The following DTD1 variants were observed in gnomAD, a reference collection of about 807,000 sequenced individuals.
The protein encoded by DTD1 is D-aminoacyl-tRNA deacylase 1, also known as D-tyrosyl-tRNA deacylase 1 homolog.
In DTD1, 13 loss-of-function variants were observed where a neutral mutation model predicts 25.6. The ratio of observed to expected loss-of-function variants is 0.51; its 90% CI spans 0.33 to 0.81. The LOEUF (loss-of-function observed/expected upper bound fraction) is 0.81. Among genes scored for constraint, DTD1 ranks in the 30% least tolerant of loss-of-function variants. The probability of loss-of-function intolerance (pLI) is 0.02; values close to 1 mark genes in which losing one functional copy is unlikely to be tolerated. For missense variants in DTD1, 193 were observed against 266.4 expected (o/e 0.72, Z 1.92); for synonymous variants, 110 against 103.6 (o/e 1.06, Z -0.37).
intron 4 of DTD1, among the ~76,000 whole-genome samples, chr20:18,724,434 A>G (rs55653713): frequency 5.3e-4 from 80 of 152,324 alleles, no homozygotes; most frequent in Non-Finnish European, 9.1e-4. Context: ...CAGAATGGCC[A>G]TGGAGAATTC....
chr20:18,648,431 A>T (rs2060858400), intron 4 of DTD1, among the ~76,000 whole-genome samples: 2 of 152,152 alleles, frequency 1.3e-5, no homozygotes, highest in Non-Finnish European at 2.9e-5. Context: ...ACAGCGAGGG[A>T]CCAGGATGAC....
chr20:18,712,520 A>T (rs62217023), intron 4 of DTD1, among the ~76,000 whole-genome samples: 52,795 of 151,894 alleles, frequency 0.35, 9,508 homozygotes, highest in Non-Finnish European at 0.4. Flanking sequence ...ATTCATTTAC[A>T]ATGGAATCAT....
At chr20:18,593,904 G>A in intron 2 of DTD1, 83 bp downstream of exon 2, 2 of 1,060,672 alleles carry the variant, frequency 1.9e-6, no homozygotes, top group Non-Finnish European at 2.9e-6. Flanking sequence ...CTTTGTGCCT[G>A]TGAGGTGAGC....
chr20:18,632,597 A>G (rs1471269886), intron 4 of DTD1: 1 of 984,962 alleles, frequency 1.0e-6, no homozygotes, highest in Non-Finnish European at 1.2e-6. Context: ...TAAGCTTTTA[A>G]TTCTCAGTGT....
intron 4 of DTD1, among the ~76,000 whole-genome samples, chr20:18,685,229 A>G (rs1600367179): frequency 6.6e-6 from 1 of 152,210 alleles, no homozygotes; most frequent in African/African-American, 2.4e-5. Context: ...GGAAAGAGGA[A>G]GGCTAGAAGG....
chr20:18,661,312 A>C (rs374404795), intron 4 of DTD1, among the ~76,000 whole-genome samples: 1 of 151,786 alleles, frequency 6.6e-6, no homozygotes, highest in East Asian at 1.9e-4. Context: ...TAGGAATTAC[A>C]TTAAACCTGT....
At chr20:18,759,397 T>C (rs565173041) in intron 5 of DTD1, among the ~76,000 whole-genome samples, 21 of 152,360 alleles carry the variant, frequency 1.4e-4, no homozygotes, top group Non-Finnish European at 2.5e-4. Context: ...CCATGTTTAG[T>C]GCTTCCTTCA....
chr20:18,723,823 A>G (rs2061214082), intron 4 of DTD1, among the ~76,000 whole-genome samples: 1 of 152,228 alleles, frequency 6.6e-6, no homozygotes. Context: ...GTATCAAAAG[A>G]TAAACTGGCC....
rs963628618 is a variant in DTD1 at position 18,629,929 on chromosome 20, A to G, written c.477+1696A>G. On this transcript the variant is annotated intron_variant, in intron 4 of 5. Coordinates refer to ENST00000377452, the MANE Select transcript of DTD1 (RefSeq NM_080820.6). ...CACGAGAACAGCAAGGGGGAAGTCTACCCCCATGATCCAGTCACCTCCCAC... is the reference window on the plus strand; with the variant it reads ...CACGAGAACAGCAAGGGGGAAGTCTGCCCCCATGATCCAGTCACCTCCCAC... 2.6e-5 allele frequency among the ~76,000 whole-genome samples: 4 copies of G among 151,860 alleles called. No homozygotes were observed. The East Asian group carries it at 7.7e-4, about 29-fold the overall frequency.
intron 4 of DTD1, among the ~76,000 whole-genome samples, chr20:18,740,131 T>C (rs2061271319): frequency 6.6e-6 from 1 of 152,084 alleles, no homozygotes; most frequent in African/African-American, 2.4e-5. Context: ...CTGAGAAGCC[T>C]CCAGAGGGCT....
At chr20:18,697,306 C>T (rs2061081830) in intron 4 of DTD1, among the ~76,000 whole-genome samples, 1 of 152,014 alleles carries the variant, frequency 6.6e-6, no homozygotes, top group Non-Finnish European at 1.5e-5. Flanking sequence ...GTGCTTAATA[C>T]AACTATTTTG....
intron 5 of DTD1, among the ~76,000 whole-genome samples, chr20:18,745,378 C>T (rs897941030): frequency 1.3e-5 from 2 of 152,160 alleles, no homozygotes; most frequent in African/African-American, 4.8e-5. Context: ...AGCACTGGAC[C>T]AAATACTGGG....
intron 4 of DTD1, among the ~76,000 whole-genome samples, chr20:18,681,205 G>C (rs1259202389): frequency 6.6e-6 from 1 of 152,160 alleles, no homozygotes; most frequent in African/African-American, 2.4e-5. Context: ...TCCTGACTGG[G>C]GATGGGAAGC....
intron 4 of DTD1, chr20:18,632,602 C>T: frequency 1.0e-6 from 1 of 984,420 alleles, no homozygotes; most frequent in Non-Finnish European, 1.2e-6. Context: ...TTTTAATTCT[C>T]AGTGTTTTAT....
chr20:18,651,990 G>A (rs2060875908), intron 4 of DTD1, among the ~76,000 whole-genome samples: 1 of 152,206 alleles, frequency 6.6e-6, no homozygotes, highest in African/African-American at 2.4e-5. Flanking sequence ...TTAGCCACTG[G>A]TTCCTGTCCC....
chr20:18,670,945 C>A (rs1278974261), intron 4 of DTD1, among the ~76,000 whole-genome samples: 1 of 152,228 alleles, frequency 6.6e-6, no homozygotes, highest in Non-Finnish European at 1.5e-5. Context: ...CATGGACCCA[C>A]TCGGCAGATT....
chr20:18,669,427 G>A (rs567864594), intron 4 of DTD1, among the ~76,000 whole-genome samples: 13 of 152,302 alleles, frequency 8.5e-5, no homozygotes, highest in Middle Eastern at 6.8e-3. Context: ...AAGTTGGCCC[G>A]TCTTTGCATT....
At chr20:18,606,736 C>T (rs1194179512) in intron 3 of DTD1, among the ~76,000 whole-genome samples, 1 of 121,202 alleles carries the variant, frequency 8.3e-6, no homozygotes, top group Admixed American at 9.9e-5. Flanking sequence ...AGTGAGATCA[C>T]ATGGACACAG....
At chr20:18,694,957 A>G (rs980492944) in intron 4 of DTD1, among the ~76,000 whole-genome samples, 1 of 152,188 alleles carries the variant, frequency 6.6e-6, no homozygotes, top group African/African-American at 2.4e-5. Context: ...CAGAGCCACC[A>G]TGATCAAGTT....
Sources: allele counts gnomAD v4.1 joint callset (sites outside exome capture counted in the v4.1 genomes callset), GRCh38; gene constraint gnomAD v4.1.1; transcripts MANE v1.5; gene names NCBI Gene and HGNC (gene_info 2026-07-23, HGNC 2026-07-21).